LRFN5: variants seen among roughly 807,000 people sequenced by gnomAD.
The protein encoded by LRFN5 is leucine-rich repeat and fibronectin type-III domain-containing protein 5.
A neutral mutation model predicts 45.6 loss-of-function variants in LRFN5; 24 were observed. The ratio of observed to expected loss-of-function variants is 0.53; its 90% CI spans 0.38 to 0.74. The LOEUF (loss-of-function observed/expected upper bound fraction) is 0.74, where lower values mean the gene tolerates loss of function less well. Among genes scored for constraint, LRFN5 ranks in the 30% least tolerant of loss-of-function variants. LRFN5 has a pLI of 0.00. For synonymous variants in LRFN5, 340 were observed against 313.8 expected (o/e 1.08, Z -0.88); for missense variants, 776 against 861.5 (o/e 0.90, Z 1.24).
chr14:41,674,088 C>T (rs1195315329), intron 1 of LRFN5, among the ~76,000 whole-genome samples: 3 of 149,978 alleles, frequency 2.0e-5, no homozygotes, highest in African/African-American at 7.4e-5. Context: ...ACCCCCCCAC[C>T]TCCCTCCTGG....
At chr14:41,710,018 G>T (rs1412623937) in intron 1 of LRFN5, among the ~76,000 whole-genome samples, 1 of 151,926 alleles carries the variant, frequency 6.6e-6, no homozygotes, top group Non-Finnish European at 1.5e-5. Flanking sequence ...AGACTAACTG[G>T]CGTGTTTCAC....
intron 2 of LRFN5, among the ~76,000 whole-genome samples, chr14:41,837,194 C>CAAAAAAAA (rs5808157): frequency 1.1e-4 from 8 of 75,406 alleles, no homozygotes; most frequent in African/African-American, 2.2e-4. Context: ...ACACACTCCA[C>CAAAAAAAA]AAAAAAAAAA....
chr14:41,843,171 G>C (rs1888925549), intron 2 of LRFN5, among the ~76,000 whole-genome samples: 1 of 148,322 alleles, frequency 6.7e-6, no homozygotes, highest in Non-Finnish European at 1.5e-5. Context: ...CTGCAACCTT[G>C]AATTACTGGG....
chr14:41,655,131 G>A (rs893211756), intron 1 of LRFN5, among the ~76,000 whole-genome samples: 1 of 151,922 alleles, frequency 6.6e-6, no homozygotes, highest in Non-Finnish European at 1.5e-5. Flanking sequence ...TTATAGCTAC[G>A]TACAAGACAA....
At chr14:41,768,991 C>T (rs191543078) in intron 2 of LRFN5, among the ~76,000 whole-genome samples, 17 of 151,934 alleles carry the variant, frequency 1.1e-4, no homozygotes, top group Non-Finnish European at 8.8e-5. Context: ...AATTAGCAGT[C>T]CATTAGCGTG....
At chr14:41,639,329 C>T (rs574550112) in intron 1 of LRFN5, among the ~76,000 whole-genome samples, 2 of 152,040 alleles carry the variant, frequency 1.3e-5, no homozygotes, top group Non-Finnish European at 2.9e-5. Flanking sequence ...ATTATGCAGT[C>T]TTCTCTTTTC....
chr14:41,847,926 A>G (rs1889125860), intron 2 of LRFN5, among the ~76,000 whole-genome samples: 1 of 152,152 alleles, frequency 6.6e-6, no homozygotes, highest in Non-Finnish European at 1.5e-5. Flanking sequence ...CAAGTTACCA[A>G]GAAAATAAAA....
At chr14:41,818,893 A>G (rs1268972869) in intron 2 of LRFN5, among the ~76,000 whole-genome samples, 2 of 151,940 alleles carry the variant, frequency 1.3e-5, no homozygotes, top group Admixed American at 1.3e-4. Flanking sequence ...GCCCCTCCTA[A>G]ACCTCCTATA....
chr14:41,829,817 A>C (rs1313585684), intron 2 of LRFN5, among the ~76,000 whole-genome samples: 1 of 151,474 alleles, frequency 6.6e-6, no homozygotes, highest in Non-Finnish European at 1.5e-5. Context: ...TTTCTGCTGT[A>C]ACATTTATAC....
chr14:41,627,550 A>C (rs1324244029), intron 1 of LRFN5, among the ~76,000 whole-genome samples: 1 of 152,294 alleles, frequency 6.6e-6, no homozygotes, highest in African/African-American at 2.4e-5. Context: ...TTATCCAACA[A>C]AATTCTCATT....
At chr14:41,745,647 G>T (rs533280167) in intron 1 of LRFN5, among the ~76,000 whole-genome samples, 1 of 149,568 alleles carries the variant, frequency 6.7e-6, no homozygotes, top group African/African-American at 2.4e-5. Context: ...AAGAAAAAAA[G>T]AGAAGATTCA....
intron 1 of LRFN5, among the ~76,000 whole-genome samples, chr14:41,635,790 G>A (rs1222988536): frequency 1.3e-5 from 2 of 152,110 alleles, no homozygotes; most frequent in Non-Finnish European, 2.9e-5. Context: ...GACATAAATA[G>A]GATATTTATG....
At chr14:41,858,504 T>A (rs961374088) in intron 2 of LRFN5, among the ~76,000 whole-genome samples, 1 of 152,164 alleles carries the variant, frequency 6.6e-6, no homozygotes, top group Non-Finnish European at 1.5e-5. Context: ...TAGTAAGTTT[T>A]TTTTTTCCGC....
intron 1 of LRFN5, among the ~76,000 whole-genome samples, chr14:41,615,947 C>G (rs1029807069): frequency 2.8e-4 from 42 of 152,014 alleles, no homozygotes; most frequent in Admixed American, 5.2e-4. Flanking sequence ...TACAAACAAT[C>G]AAATTACACA....
chr14:41,902,629 C>T (rs983797179), intron 5 of LRFN5, among the ~76,000 whole-genome samples: 3 of 151,750 alleles, frequency 2.0e-5, no homozygotes, highest in African/African-American at 4.8e-5. Flanking sequence ...TAAGATATGT[C>T]AGCTTACAAA....
intron 2 of LRFN5, among the ~76,000 whole-genome samples, chr14:41,841,829 T>C (rs1199245310): frequency 6.6e-6 from 1 of 151,876 alleles, no homozygotes; most frequent in Non-Finnish European, 1.5e-5. Context: ...TTAGTTTTTA[T>C]GCATGGACAT....
intron 1 of LRFN5, among the ~76,000 whole-genome samples, chr14:41,752,025 T>C (rs1396145740): frequency 6.6e-6 from 1 of 152,190 alleles, no homozygotes; most frequent in African/African-American, 2.4e-5. Flanking sequence ...TTTGGTTTTT[T>C]GTCCTTGCGA....
intron 1 of LRFN5, among the ~76,000 whole-genome samples, chr14:41,641,609 C>T (rs374093058): frequency 8.5e-5 from 13 of 152,060 alleles, no homozygotes; most frequent in African/African-American, 3.1e-4. Context: ...GGGAAGAAAA[C>T]ACAAAATTAA....
At chr14:41,891,165 TG>T (rs1243505589) in intron 3 of LRFN5, 84 bp from the exon 4 acceptor site, 19 of 994,636 alleles carry the variant, frequency 1.9e-5, no homozygotes, top group Middle Eastern at 2.1e-4. Context: ...GATACTGAAA[TG>T]ACACTGAACT....
Sources: allele counts gnomAD v4.1 joint callset (sites outside exome capture counted in the v4.1 genomes callset), GRCh38; gene constraint gnomAD v4.1.1; transcripts MANE v1.5; gene names NCBI Gene and HGNC (gene_info 2026-07-23, HGNC 2026-07-21).